Variants in NFIL3 observed in about 807,000 individuals in gnomAD.
The protein encoded by NFIL3 is nuclear factor interleukin-3-regulated protein.
In NFIL3, 5 loss-of-function variants were observed where a neutral mutation model predicts 10.0. The observed-to-expected ratio is 0.50, with a 90% CI of 0.26 to 1.06. The LOEUF (loss-of-function observed/expected upper bound fraction) is 1.06, where lower values mean the gene tolerates loss of function less well. NFIL3 is among the 50% of genes least tolerant of loss of function. The probability of loss-of-function intolerance (pLI) is 0.13; values close to 1 mark genes in which losing one functional copy is unlikely to be tolerated. For missense variants in NFIL3, 436 were observed against 547.6 expected, an observed-to-expected ratio of 0.80 and a Z score of 2.03; for synonymous variants, 202 against 206.5, an observed-to-expected ratio of 0.98 and a Z score of 0.19.
At chr9:91,433,936 A>C in the NFIL3 span, among the ~76,000 whole-genome samples, 1 of 152,126 alleles carries the variant, frequency 6.6e-6, no homozygotes, top group African/African-American at 2.4e-5. Context: ...ACAAAAAGGT[A>C]CAAGCTAGTC....
chr9:91,474,944 A>G, the NFIL3 span, among the ~76,000 whole-genome samples: 3 of 152,202 alleles, frequency 2.0e-5, no homozygotes, highest in African/African-American at 7.2e-5. Context: ...ACAAAAAAGT[A>G]AGAAAGAACC....
At chr9:91,471,975 C>T in the NFIL3 span, among the ~76,000 whole-genome samples, 1 of 152,134 alleles carries the variant, frequency 6.6e-6, no homozygotes, top group Non-Finnish European at 1.5e-5. Context: ...CTTAGTTTGG[C>T]TGGATATGAA....
the NFIL3 span, among the ~76,000 whole-genome samples, chr9:91,470,678 C>T: frequency 6.6e-6 from 1 of 152,190 alleles, no homozygotes; most frequent in African/African-American, 2.4e-5. Flanking sequence ...TTTCCCTCTA[C>T]ACACTGCTTT....
upstream of NFIL3, among the ~76,000 whole-genome samples, chr9:91,424,376 C>G (rs894212857): frequency 1.3e-5 from 2 of 152,212 alleles, no homozygotes; most frequent in Admixed American, 1.3e-4. Context: ...TCGGCCTCCC[C>G]TTCCCCGCAC....
chr9:91,441,057 A>G, the NFIL3 span, among the ~76,000 whole-genome samples: 242 of 152,200 alleles, frequency 1.6e-3, no homozygotes, highest in Non-Finnish European at 2.7e-3. Flanking sequence ...GTATTTCCCT[A>G]TTAATTTTCT....
At position 91,409,255 on chromosome 9, in the gene NFIL3, C is replaced by T; in HGVS notation, c.*91G>A. ...TGCACATCACAGTGAAATGACATCA[C>T]AGGTCCAGTGAAAATTCAGCATAAT... On this transcript the variant is annotated 3_prime_UTR_variant, in exon 2 of 2. Transcript: ENST00000297689. The T allele has an allele frequency of 3.3e-6, 4 of 1,215,250 alleles. No individual in the cohort carries two copies. Among genetic ancestry groups the T allele is most frequent in the Non-Finnish European group, 4.6e-6 (4 of 872,662 alleles). 75.3% of individuals were successfully genotyped at this position (1,215,250 alleles called of 1,614,324 possible). A position where few individuals can be genotyped will look rare whatever the true frequency, so the allele number is the denominator to read the frequency against.
the NFIL3 span, among the ~76,000 whole-genome samples, chr9:91,480,615 G>T: frequency 6.6e-6 from 1 of 152,080 alleles, no homozygotes; most frequent in Non-Finnish European, 1.5e-5. Flanking sequence ...AGAATAGATT[G>T]TATTTTAAAA....
chr9:91,470,219 G>T, the NFIL3 span, among the ~76,000 whole-genome samples: 1 of 151,570 alleles, frequency 6.6e-6, no homozygotes, highest in Admixed American at 6.6e-5. Flanking sequence ...GCCTGTTATT[G>T]GTCTATTCAG....
chr9:91,445,172 G>A, the NFIL3 span, among the ~76,000 whole-genome samples: 5 of 152,192 alleles, frequency 3.3e-5, no homozygotes, highest in Non-Finnish European at 1.5e-5. Flanking sequence ...GGAAGAAGGG[G>A]TACTCTGAGG....
chr9:91,439,804 G>A, the NFIL3 span, among the ~76,000 whole-genome samples: 1 of 152,060 alleles, frequency 6.6e-6, no homozygotes, highest in Non-Finnish European at 1.5e-5. Context: ...TGTTAATGTA[G>A]TATATTATAT....
the NFIL3 span, among the ~76,000 whole-genome samples, chr9:91,455,327 C>T: frequency 6.6e-6 from 1 of 152,168 alleles, no homozygotes. Context: ...TTCTATTTCC[C>T]TCTTTCCTTC....
chr9:91,427,815 A>AT (rs560337333), upstream of NFIL3, among the ~76,000 whole-genome samples: 732 of 149,470 alleles, frequency 4.9e-3, 32 homozygotes, highest in East Asian at 0.076. Flanking sequence ...TAATTTTTTA[A>AT]TTTTTTTTTT....
the NFIL3 span, among the ~76,000 whole-genome samples, chr9:91,445,400 G>A: frequency 5.0e-4 from 76 of 152,342 alleles, no homozygotes; most frequent in Admixed American, 1.2e-3. Context: ...GAGGACCGGG[G>A]AGTAGACAGT....
the NFIL3 span, among the ~76,000 whole-genome samples, chr9:91,465,566 T>C: frequency 6.6e-6 from 1 of 152,146 alleles, no homozygotes; most frequent in Non-Finnish European, 1.5e-5. Flanking sequence ...TTTTAAATTC[T>C]TTGCCTGACA....
the NFIL3 span, among the ~76,000 whole-genome samples, chr9:91,480,014 C>G: frequency 6.6e-6 from 1 of 152,058 alleles, no homozygotes; most frequent in Admixed American, 6.6e-5. Context: ...AGAGATGAGC[C>G]GAGTACCTCA....
At chr9:91,482,122 C>A in the NFIL3 span, among the ~76,000 whole-genome samples, 8 of 152,058 alleles carry the variant, frequency 5.3e-5, no homozygotes, top group Non-Finnish European at 1.0e-4. Context: ...AGTTAAAATG[C>A]GCATACCCTT....
At chr9:91,456,408 T>C in the NFIL3 span, among the ~76,000 whole-genome samples, 1 of 152,174 alleles carries the variant, frequency 6.6e-6, no homozygotes, top group African/African-American at 2.4e-5. Context: ...GGTCAGTCTT[T>C]CGAATTTTAT....
chr9:91,461,929 T>C, the NFIL3 span, among the ~76,000 whole-genome samples: 1 of 152,024 alleles, frequency 6.6e-6, no homozygotes, highest in South Asian at 2.1e-4. Context: ...GTCTTGCCAA[T>C]ATAGGTAGGT....
At chr9:91,432,794 T>C in the NFIL3 span, among the ~76,000 whole-genome samples, 6 of 152,210 alleles carry the variant, frequency 3.9e-5, no homozygotes, top group Non-Finnish European at 8.8e-5. Flanking sequence ...GAGTATGATA[T>C]ATATTGCTAA....
Sources: gnomAD v4.1 joint callset for allele counts (sites outside exome capture counted in the v4.1 genomes callset) on GRCh38, gnomAD v4.1.1 for gene constraint, MANE v1.5 for transcripts, NCBI Gene and HGNC (gene_info 2026-07-23, HGNC 2026-07-21) for gene names.